The following DNAH7 variants were observed in gnomAD, a reference collection of about 807,000 sequenced individuals.
The protein encoded by DNAH7 is dynein axonemal heavy chain 7, also known as axonemal beta dynein heavy chain 7.
In DNAH7, 397 loss-of-function variants were observed where a neutral mutation model predicts 444.6. The observed-to-expected ratio is 0.89, with a 90% CI of 0.82 to 0.97. The LOEUF (loss-of-function observed/expected upper bound fraction) is 0.97. DNAH7 is among the 50% of genes least tolerant of loss of function. The probability of loss-of-function intolerance (pLI) is 0.00; values close to 1 mark genes in which losing one functional copy is unlikely to be tolerated. For missense variants in DNAH7, 4,902 were observed against 4,800.8 expected (o/e 1.02, Z -0.62); for synonymous variants, 1,636 against 1,624.4 (o/e 1.01, Z -0.17).
chr2:195,916,737 A>T (rs999214324), intron 24 of DNAH7, among the ~76,000 whole-genome samples: 3 of 152,092 alleles, frequency 2.0e-5, no homozygotes, highest in Non-Finnish European at 4.4e-5. Flanking sequence ...GCATGCCTGT[A>T]GTCCTTGCTA....
In DNAH7 at chr2:195,808,720, G is replaced by A. The variant is rs367980316; in HGVS notation, c.10045C>T (p.Arg3349Cys). The change falls in exon 53 of 65, where the codon CGC becomes TGC. Residue 3349 changes from arginine to cysteine, a missense_variant. Arg to Cys is a radical substitution (Grantham distance 180). Transcript: ENST00000312428. The part of the protein sequence containing the change: ...AFKTIRREFM[R>C]LKDGWKKVYD... ...ACTTTCTTCCATCCATCCTTTAAGC[G>A]CATAAACTCTCTACGAATGGTTTTG... 3.1e-5 allele frequency: 50 copies of A among 1,613,754 alleles called. No homozygotes were observed. The African/African-American group carries it at 3.3e-4, about 11-fold the overall frequency.
intron 3 of DNAH7, among the ~76,000 whole-genome samples, chr2:196,049,833 A>G (rs1193841974): frequency 6.6e-6 from 1 of 152,220 alleles, no homozygotes; most frequent in East Asian, 1.9e-4. Context: ...AATTAAGTTT[A>G]TATTTCTACA....
At chr2:195,893,755 T>C (rs2125234970) in intron 30 of DNAH7, 1 of 152,352 alleles carries the variant, frequency 6.6e-6, no homozygotes, top group South Asian at 2.1e-4. Context: ...GACTGCCCTA[T>C]GACATAATCA....
At chr2:195,949,549 G>A (rs1268250071) in intron 19 of DNAH7, among the ~76,000 whole-genome samples, 3 of 152,116 alleles carry the variant, frequency 2.0e-5, no homozygotes, top group Admixed American at 1.3e-4. Flanking sequence ...CTCCCAAAGC[G>A]CTGGGATTAC....
At chr2:195,973,099 G>A (rs926203529) in intron 15 of DNAH7, among the ~76,000 whole-genome samples, 32 of 152,224 alleles carry the variant, frequency 2.1e-4, no homozygotes, top group African/African-American at 7.5e-4. Context: ...GAGAGAACAT[G>A]GGCCCAGTGG....
At chr2:195,975,523 T>G (rs532642995) in intron 15 of DNAH7, among the ~76,000 whole-genome samples, 1 of 152,098 alleles carries the variant, frequency 6.6e-6, no homozygotes, top group Non-Finnish European at 1.5e-5. Flanking sequence ...CCTAGGCAAG[T>G]TTTAGTGCCG....
intron 27 of DNAH7, chr2:195,904,348 G>A (rs1413085976): frequency 6.6e-6 from 1 of 152,470 alleles, no homozygotes; most frequent in Non-Finnish European, 1.5e-5. Flanking sequence ...ACAGGAAAGA[G>A]GAGGCTTAGA....
chr2:195,778,375 C>A (rs1475780855), intron 58 of DNAH7, among the ~76,000 whole-genome samples: 1 of 151,042 alleles, frequency 6.6e-6, no homozygotes, highest in African/African-American at 2.4e-5. Context: ...TGGTGGCTCA[C>A]AACTGTAATC....
rs571088111 is a variant in DNAH7, at chr2:195,970,510, C to T, written c.2059-416G>A. Among the ~76,000 whole-genome samples, 37 of 151,988 alleles carry T rather than the reference C, an allele frequency of 2.4e-4. 1 individual carries two copies. Among genetic ancestry groups the T allele is most frequent in the Middle Eastern group, 3.4e-3 (1 of 294 alleles). Reference sequence around the variant, plus strand: ...TGCTATTTTTATAAACTGAAAAAAACGGAATTTCTTTAATTGTACTCTGAT... The same window carrying T: ...TGCTATTTTTATAAACTGAAAAAAATGGAATTTCTTTAATTGTACTCTGAT... On this transcript the variant is annotated intron_variant, in intron 16 of 64. Transcript: ENST00000312428.
intron 58 of DNAH7, among the ~76,000 whole-genome samples, chr2:195,782,963 T>C (rs758233157): frequency 5.3e-5 from 8 of 152,220 alleles, no homozygotes; most frequent in Non-Finnish European, 1.0e-4. Context: ...AATCTCTATT[T>C]TGTGCTCTCT....
At chr2:195,758,342 C>T (rs1338996587) in intron 61 of DNAH7, among the ~76,000 whole-genome samples, 2 of 152,134 alleles carry the variant, frequency 1.3e-5, no homozygotes, top group African/African-American at 4.8e-5. Context: ...CTTCTAAACA[C>T]AAAAAAGATT....
intron 48 of DNAH7, among the ~76,000 whole-genome samples, chr2:195,830,978 A>G (rs1399434112): frequency 1.3e-5 from 2 of 152,240 alleles, no homozygotes; most frequent in Non-Finnish European, 2.9e-5. Context: ...CAAATGAAAG[A>G]AACACTAAAT....
intron 1 of DNAH7, among the ~76,000 whole-genome samples, chr2:196,058,889 G>A (rs1697977797): frequency 6.6e-6 from 1 of 152,122 alleles, no homozygotes; most frequent in Non-Finnish European, 1.5e-5. Context: ...TTGAAAAAGA[G>A]GAACAAATTG....
In DNAH7 at chr2:195,771,806, T is replaced by C; in HGVS notation, c.11287A>G (p.Asn3763Asp). ...CTCATGGCAGCCTCGATGTCGAAGT[T>C]GTTTGGAAGTTTGCCCAAGATGTCA... ...ASDILGKLPN[N>D]FDIEAAMRRY... is the part of the protein sequence containing the mutation. The change falls in exon 61 of 65, where the codon AAC becomes GAC. Residue 3763 changes from asparagine to aspartate, a missense_variant. Asn to Asp is a conservative substitution (Grantham distance 23, BLOSUM62 1). Coordinates refer to ENST00000312428, the MANE Select transcript of DNAH7 (RefSeq NM_018897.3). 6.2e-7 allele frequency: 1 copy of C among 1,614,190 alleles called. No homozygotes were observed.
intron 47 of DNAH7, among the ~76,000 whole-genome samples, chr2:195,838,259 T>C (rs572778267): frequency 1.2e-4 from 19 of 152,230 alleles, no homozygotes; most frequent in Admixed American, 5.9e-4. Flanking sequence ...ATCCAGAGGA[T>C]TTTGACAGGA....
At chr2:195,862,056 G>A (rs1034960044) in intron 41 of DNAH7, 110 bp from the exon 42 acceptor site, 16 of 814,854 alleles carry the variant, frequency 2.0e-5, no homozygotes, top group East Asian at 2.6e-5. Flanking sequence ...GGAATAGTGT[G>A]AGGGATGGTG....
Position 195,797,353 on chromosome 2 carries a change from G to A in DNAH7, c.10354-616C>T, listed in dbSNP as rs1307854577. On this transcript the variant is annotated intron_variant, in intron 55 of 64. Transcript: ENST00000312428. Reference sequence around the variant, plus strand: ...TTAGAAGAGGCCTGGATACGGAAGAGTGGGGTCTCAGCCCCTCCCGAATGC... The same window carrying A: ...TTAGAAGAGGCCTGGATACGGAAGAATGGGGTCTCAGCCCCTCCCGAATGC... 2.0e-5 allele frequency among the ~76,000 whole-genome samples: 3 copies of A among 152,152 alleles called. No homozygotes were observed. In the East Asian group the frequency reaches 5.8e-4, roughly 29 times the overall value.
At chr2:195,995,054 C>T (rs527782457) in intron 12 of DNAH7, 15 of 251,346 alleles carry the variant, frequency 6.0e-5, no homozygotes, top group South Asian at 4.4e-4. Context: ...CTCAGCCTCC[C>T]GAGCAGCTGG....
At chr2:196,056,333 T>C (rs990929272) in intron 2 of DNAH7, among the ~76,000 whole-genome samples, 4 of 149,298 alleles carry the variant, frequency 2.7e-5, no homozygotes, top group African/African-American at 9.9e-5. Flanking sequence ...TAATCCCAGC[T>C]ACTCAGGAGG....
Sources: gnomAD v4.1 joint callset for allele counts (sites outside exome capture counted in the v4.1 genomes callset) on GRCh38, gnomAD v4.1.1 for gene constraint, MANE v1.5 for transcripts, NCBI Gene and HGNC (gene_info 2026-07-23, HGNC 2026-07-21) for gene names.